Variants in CACNA2D1 observed in about 807,000 individuals in gnomAD.
The protein encoded by CACNA2D1 is voltage-dependent calcium channel subunit alpha-2/delta-1.
In CACNA2D1, 53 loss-of-function variants were observed where a neutral mutation model predicts 171.5. The ratio of observed to expected loss-of-function variants is 0.31; its 90% confidence interval spans 0.25 to 0.39. The LOEUF (loss-of-function observed/expected upper bound fraction) is 0.39, where lower values mean the gene tolerates loss of function less well. Ranked by LOEUF, CACNA2D1 falls within the 10% of genes least tolerant of loss-of-function variation. The pLI is 1.00. For synonymous variants in CACNA2D1, 442 were observed against 443.1 expected, an observed-to-expected ratio of 1.00 and a Z score of 0.03; for missense variants, 903 against 1,299.8, an observed-to-expected ratio of 0.69 and a Z score of 4.69.
intron 38 of CACNA2D1, among the ~76,000 whole-genome samples, chr7:81,957,560 G>A (rs1166923155): frequency 1.3e-5 from 2 of 151,926 alleles, no homozygotes; most frequent in Non-Finnish European, 2.9e-5. Flanking sequence ...TATTAATAAC[G>A]GGCAAAGTAG....
Position 82,319,977 on chromosome 7 carries a change from G to A in CACNA2D1, c.294+15158C>T, listed in dbSNP as rs1015892088. 1.8e-4 allele frequency among the ~76,000 whole-genome samples: 27 copies of A among 152,254 alleles called. No individual in the cohort carries two copies. In the South Asian group the frequency reaches 2.1e-3, roughly 12 times the overall value. On this transcript the variant is annotated intron_variant, in intron 3 of 38. Coordinates refer to ENST00000356860, the MANE Select transcript of CACNA2D1 (RefSeq NM_000722.4). ...AGCAGGAGCACTCATCCACACTGCG[G>A]CCTGTTGGCATGCTGCCTGTGGCTG...
At chr7:82,005,520 A>G (rs1708034337) in intron 17 of CACNA2D1, 23 bp from the exon 18 acceptor site, 2 of 1,398,846 alleles carry the variant, frequency 1.4e-6, no homozygotes, top group Non-Finnish European at 1.0e-6. Context: ...AAAAAAAAAA[A>G]GCTTGGATAT....
intron 12 of CACNA2D1, among the ~76,000 whole-genome samples, chr7:82,023,522 T>C (rs995817759): frequency 2.6e-5 from 4 of 151,684 alleles, no homozygotes; most frequent in African/African-American, 9.7e-5. Flanking sequence ...TGAATGTAAA[T>C]GAAGCATTCT....
intron 1 of CACNA2D1, among the ~76,000 whole-genome samples, chr7:82,417,177 T>C (rs900540458): frequency 6.6e-6 from 1 of 152,178 alleles, no homozygotes; most frequent in Non-Finnish European, 1.5e-5. Flanking sequence ...ATGGCAGATG[T>C]ATTAGTGAGA....
chr7:81,999,085 T>C (rs1798333174), intron 18 of CACNA2D1, among the ~76,000 whole-genome samples: 1 of 152,106 alleles, frequency 6.6e-6, no homozygotes, highest in Non-Finnish European at 1.5e-5. Flanking sequence ...TTACATGCAA[T>C]GGATAATGCA....
Position 81,950,213 on chromosome 7 carries a change from C to T in CACNA2D1, c.*179G>A, listed in dbSNP as rs557232938. On this transcript the variant is annotated 3_prime_UTR_variant, in exon 39 of 39. Transcript: ENST00000356860. ...CATTCACACACGTTTAAGGATCTGA[C>T]ACCCTGACATGCAGCCAGTGGGTGC... 63 of 1,048,170 alleles carry T rather than the reference C, an allele frequency of 6.0e-5. No individual in the cohort carries two copies. The highest frequency in any genetic ancestry group is 1.6e-4 in the Admixed American group (7 of 43,458). 64.9% of individuals were successfully genotyped at this position (1,048,170 alleles called of 1,614,324 possible).
At chr7:82,236,141 G>T (rs1222666111) in intron 3 of CACNA2D1, among the ~76,000 whole-genome samples, 2 of 151,960 alleles carry the variant, frequency 1.3e-5, no homozygotes, top group Non-Finnish European at 2.9e-5. Context: ...TATTTGAAAA[G>T]AAAAAGCAAC....
At chr7:81,978,189 A>G (rs1201583249) in intron 24 of CACNA2D1, among the ~76,000 whole-genome samples, 5 of 152,196 alleles carry the variant, frequency 3.3e-5, no homozygotes, top group African/African-American at 1.2e-4. Context: ...CGATTCCTCA[A>G]GGATCTAGAA....
intron 3 of CACNA2D1, among the ~76,000 whole-genome samples, chr7:82,256,669 T>C (rs1191113166): frequency 8.5e-5 from 13 of 152,322 alleles, no homozygotes. Context: ...CTAATGACTT[T>C]ATTGTCTTAT....
chr7:82,173,226 A>G (rs1400369109), intron 3 of CACNA2D1, among the ~76,000 whole-genome samples: 1 of 152,120 alleles, frequency 6.6e-6, no homozygotes, highest in African/African-American at 2.4e-5. Context: ...GCAACAAACT[A>G]TAACACAATT....
intron 1 of CACNA2D1, among the ~76,000 whole-genome samples, chr7:82,383,117 C>T (rs983133856): frequency 2.6e-5 from 4 of 152,166 alleles, no homozygotes; most frequent in Non-Finnish European, 4.4e-5. Flanking sequence ...TATATTTACA[C>T]ATTTGCCGTT....
At chr7:81,970,380 T>C (rs1246250130) in intron 27 of CACNA2D1, among the ~76,000 whole-genome samples, 1 of 151,408 alleles carries the variant, frequency 6.6e-6, no homozygotes, top group African/African-American at 2.4e-5. Context: ...GTTATAATCA[T>C]TGTGTTCATT....
intron 6 of CACNA2D1, among the ~76,000 whole-genome samples, chr7:82,087,552 A>G (rs1190883877): frequency 1.3e-5 from 1 of 78,640 alleles, no homozygotes; most frequent in Non-Finnish European, 2.6e-5. Context: ...AATAATATTG[A>G]AAGCAGCTAA....
At chr7:81,994,735 A>G (rs575355050) in intron 20 of CACNA2D1, 133 bp downstream of exon 20, 2 of 596,470 alleles carry the variant, frequency 3.4e-6, no homozygotes, top group South Asian at 2.4e-5. Context: ...TGCTTTAAAA[A>G]GAAAAATTGT....
intron 37 of CACNA2D1, 81 bp from the exon 38 acceptor site, chr7:81,959,438 A>C: frequency 1.0e-6 from 1 of 966,726 alleles, no homozygotes; most frequent in Non-Finnish European, 1.7e-6. Flanking sequence ...TATTTCCCAA[A>C]ACATGTGAGA....
chr7:82,277,241 C>T (rs192397835), intron 3 of CACNA2D1, among the ~76,000 whole-genome samples: 12 of 151,892 alleles, frequency 7.9e-5, no homozygotes, highest in Admixed American at 5.9e-4. Context: ...CTCGCTGTGT[C>T]GCCCAGGCTG....
At chr7:82,156,836 A>C (rs1420977570) in intron 4 of CACNA2D1, among the ~76,000 whole-genome samples, 1 of 152,134 alleles carries the variant, frequency 6.6e-6, no homozygotes, top group Non-Finnish European at 1.5e-5. Flanking sequence ...TCTGTCATGA[A>C]AGTTGCTTAA....
At chr7:82,200,899 T>C (rs1353698570) in intron 3 of CACNA2D1, among the ~76,000 whole-genome samples, 1 of 152,236 alleles carries the variant, frequency 6.6e-6, no homozygotes, top group East Asian at 1.9e-4. Context: ...AGCAATCTTA[T>C]GACTGGAGAA....
Position 82,286,992 on chromosome 7 carries a change from C to G in CACNA2D1, c.294+48143G>C, listed in dbSNP as rs948045878. 2.6e-5 allele frequency among the ~76,000 whole-genome samples: 4 copies of G among 152,264 alleles called. No individual in the cohort carries two copies. The South Asian group carries it at 8.3e-4, about 32-fold the overall frequency. On this transcript the variant is annotated intron_variant, in intron 3 of 38. Coordinates refer to ENST00000356860, the MANE Select transcript of CACNA2D1 (RefSeq NM_000722.4). ...TGCATCCTGCACCATTTAACAAGCA[C>G]GCACAGATTTAAAGAGTAATTTCTT...
Sources: allele counts gnomAD v4.1 joint callset (sites outside exome capture counted in the v4.1 genomes callset), GRCh38; gene constraint gnomAD v4.1.1; transcripts MANE v1.5; gene names NCBI Gene and HGNC (gene_info 2026-07-23, HGNC 2026-07-21).